Variants in LDLRAD4 observed in about 807,000 individuals in gnomAD.
The protein encoded by LDLRAD4 is low density lipoprotein receptor class A domain containing 4.
Under a neutral mutation model 17.0 loss-of-function variants are expected in LDLRAD4, and 5 were observed. The observed-to-expected ratio is 0.29, with a 90% CI of 0.15 to 0.62. The LOEUF (loss-of-function observed/expected upper bound fraction) is 0.62, where lower values mean the gene tolerates loss of function less well. Among genes scored for constraint, LDLRAD4 ranks in the 20% least tolerant of loss-of-function variants. LDLRAD4 has a pLI of 0.84. For synonymous variants in LDLRAD4, 168 were observed against 171.8 expected, an observed-to-expected ratio of 0.98 and a Z score of 0.17; for missense variants, 340 against 424.7, an observed-to-expected ratio of 0.80 and a Z score of 1.75.
At chr18:13,405,317 G>A (rs556812645) in intron 2 of LDLRAD4, among the ~76,000 whole-genome samples, 89 of 152,268 alleles carry the variant, frequency 5.8e-4, no homozygotes, top group Non-Finnish European at 9.0e-4. Flanking sequence ...TGGTGGCAGA[G>A]TTGGACTTTC....
chr18:13,474,774 T>C (rs2092895552), intron 3 of LDLRAD4, among the ~76,000 whole-genome samples: 1 of 152,186 alleles, frequency 6.6e-6, no homozygotes, highest in Admixed American at 6.5e-5. Context: ...ACAAAAGGTC[T>C]TTGTCTCCCG....
chr18:13,360,313 A>G (rs138527247), intron 1 of LDLRAD4, among the ~76,000 whole-genome samples: 2 of 152,354 alleles, frequency 1.3e-5, no homozygotes, highest in African/African-American at 4.8e-5. Flanking sequence ...CTTCTCAGAA[A>G]AGTGCTGTTT....
chr18:13,262,399 T>C (rs375486768), intron 1 of LDLRAD4, among the ~76,000 whole-genome samples: 58 of 87,134 alleles, frequency 6.7e-4, no homozygotes, highest in African/African-American at 1.6e-3. Context: ...CCCGTGTGGC[T>C]CTGTGCGTGG....
chr18:13,531,851 C>T (rs911817104), intron 3 of LDLRAD4, among the ~76,000 whole-genome samples: 5 of 152,062 alleles, frequency 3.3e-5, no homozygotes, highest in African/African-American at 7.2e-5. Context: ...AGGGCGGGAG[C>T]GGCCATATGC....
In LDLRAD4 at chr18:13,363,877, C is replaced by T. The variant is rs182917404; in HGVS notation, c.-382-23464C>T. ...TTGGTGGAACTGTAATGCAGCACCA[C>T]GCTTGGCTTTTTCAGTGCTTGTCAG... is the stretch of plus-strand genomic sequence containing the variant. On this transcript the variant is annotated intron_variant, in intron 1 of 5. Transcript: ENST00000359446. Among the ~76,000 whole-genome samples the T allele has an allele frequency of 5.3e-3, 802 of 152,304 alleles. 4 individuals carry two copies. Among genetic ancestry groups the T allele is most frequent in the Non-Finnish European group, 8.8e-3 (602 of 68,026 alleles).
At chr18:13,444,760 A>C (rs192035118) in intron 3 of LDLRAD4, among the ~76,000 whole-genome samples, 2 of 152,334 alleles carry the variant, frequency 1.3e-5, no homozygotes, top group Admixed American at 1.3e-4. Context: ...CATATGGGGC[A>C]TGGCCCTGTA....
intron 1 of LDLRAD4, among the ~76,000 whole-genome samples, chr18:13,334,813 G>A (rs1391618150): frequency 6.6e-6 from 1 of 152,144 alleles, no homozygotes; most frequent in South Asian, 2.1e-4. Flanking sequence ...TCATCATTAA[G>A]TATGATATTA....
chr18:13,643,391 ACCGCGGCTGGGCG>A lies in LDLRAD4; in HGVS notation c.372_384del (p.Leu126ArgfsTer76). On this transcript the variant is annotated frameshift_variant, in exon 5 of 6. Coordinates refer to ENST00000359446, the Ensembl canonical transcript of LDLRAD4. LOFTEE classifies it low-confidence loss of function (END_TRUNC). ...GCCTGTGGCCTTCAGACAGCGCCGC[ACCGCGGCTGGGCG>A]CCTCGGAGGTAAGGGGCCCCAGGAG... is the stretch of plus-strand genomic sequence containing the variant. 2 of 1,247,166 alleles carry A rather than the reference ACCGCGGCTGGGCG, an allele frequency of 1.6e-6. No homozygotes were observed. The highest frequency in any genetic ancestry group is 2.0e-6 in the Non-Finnish European group (2 of 976,182). 77.3% of individuals were successfully genotyped at this position (1,247,166 alleles called of 1,614,324 possible).
At chr18:13,373,025 C>A (rs924543913) in intron 1 of LDLRAD4, among the ~76,000 whole-genome samples, 2 of 152,196 alleles carry the variant, frequency 1.3e-5, no homozygotes, top group Non-Finnish European at 2.9e-5. Flanking sequence ...GCTAGGGTCT[C>A]GCAGACTAAC....
At chr18:13,381,417 G>A (rs1303982453) in intron 1 of LDLRAD4, among the ~76,000 whole-genome samples, 1 of 152,056 alleles carries the variant, frequency 6.6e-6, no homozygotes, top group Non-Finnish European at 1.5e-5. Context: ...CCAGAGACAT[G>A]GCCATAGGGG....
chr18:13,277,851 T>C (rs2044987995), upstream of LDLRAD4, among the ~76,000 whole-genome samples: 1 of 152,236 alleles, frequency 6.6e-6, no homozygotes, highest in Non-Finnish European at 1.5e-5. Flanking sequence ...CTTTAACAGA[T>C]GAGGACTCGG....
chr18:13,608,335 G>T (rs545763649), intron 3 of LDLRAD4, among the ~76,000 whole-genome samples: 1 of 152,064 alleles, frequency 6.6e-6, no homozygotes, highest in Non-Finnish European at 1.5e-5. Flanking sequence ...GGCTGTGGAG[G>T]GGGAGGCAAC....
chr18:13,239,155 C>G (rs536420807), intron 1 of LDLRAD4, among the ~76,000 whole-genome samples: 2 of 148,870 alleles, frequency 1.3e-5, no homozygotes, highest in African/African-American at 2.5e-5. Context: ...CCACTGTACT[C>G]CAGCCTGGGC....
intron 1 of LDLRAD4, among the ~76,000 whole-genome samples, chr18:13,349,009 C>A (rs894379175): frequency 6.6e-6 from 1 of 152,182 alleles, no homozygotes; most frequent in Admixed American, 6.5e-5. Context: ...ATTCCCTGAC[C>A]CCTTGCACTT....
chr18:13,517,380 T>TGA (rs1456362562), intron 3 of LDLRAD4, among the ~76,000 whole-genome samples: 1 of 152,294 alleles, frequency 6.6e-6, no homozygotes, highest in East Asian at 1.9e-4. Flanking sequence ...ACGATACACA[T>TGA]GAGTAATGAT....
At chr18:13,330,056 C>T (rs1013823442) in intron 1 of LDLRAD4, among the ~76,000 whole-genome samples, 6 of 151,888 alleles carry the variant, frequency 4.0e-5, no homozygotes, top group African/African-American at 1.5e-4. Context: ...CTCGGGTTCA[C>T]GCCATTCTCC....
intron 3 of LDLRAD4, among the ~76,000 whole-genome samples, chr18:13,544,885 CTTTTTT>C (rs58284452): frequency 8.1e-6 from 1 of 122,852 alleles, no homozygotes; most frequent in Non-Finnish European, 1.7e-5. Context: ...GATGGTTTGT[CTTTTTT>C]TTTTTTTTTT....
At chr18:13,588,145 G>A (rs1441865929) in intron 3 of LDLRAD4, among the ~76,000 whole-genome samples, 1 of 152,194 alleles carries the variant, frequency 6.6e-6, no homozygotes, top group African/African-American at 2.4e-5. Flanking sequence ...GAGAAGCTTT[G>A]TGAAAATACT....
chr18:13,473,846 C>A lies in LDLRAD4; in HGVS notation c.181+35462C>A, dbSNP rs971248477. On this transcript the variant is annotated intron_variant, in intron 3 of 5. Transcript: ENST00000359446. ...GTCTCTGATCCAGGAACCACCTTAA[C>A]CCCAGACAAATAGGACCCATGCTCT... 2.0e-5 allele frequency among the ~76,000 whole-genome samples: 3 copies of A among 151,704 alleles called. No individual in the cohort carries two copies. The South Asian group carries it at 6.3e-4, about 32-fold the overall frequency.
Sources: allele counts gnomAD v4.1 joint callset (sites outside exome capture counted in the v4.1 genomes callset), GRCh38; gene constraint gnomAD v4.1.1; transcripts MANE v1.5; gene names NCBI Gene and HGNC (gene_info 2026-07-23, HGNC 2026-07-21).